The following PDE4B variants were observed in gnomAD, a reference collection of about 807,000 sequenced individuals.
PDE4B encodes the protein phosphodiesterase 4B.
A neutral mutation model predicts 82.2 loss-of-function variants in PDE4B; 20 were observed. The observed-to-expected ratio is 0.24, with a 90% CI of 0.17 to 0.35. The LOEUF (loss-of-function observed/expected upper bound fraction) is 0.35. Among genes scored for constraint, PDE4B ranks in the 10% least tolerant of loss-of-function variants. The probability of loss-of-function intolerance (pLI) is 1.00; values close to 1 mark genes in which losing one functional copy is unlikely to be tolerated. For missense variants in PDE4B, 655 were observed against 907.2 expected (o/e 0.72, Z 3.57); for synonymous variants, 320 against 318.9 (o/e 1.00, Z -0.04).
At chr1:65,972,717 G>T (rs1357596928) in intron 3 of PDE4B, among the ~76,000 whole-genome samples, 2 of 152,080 alleles carry the variant, frequency 1.3e-5, no homozygotes, top group Non-Finnish European at 2.9e-5. Flanking sequence ...TTCACTTAGT[G>T]TTTCTGCATA....
chr1:66,352,579 C>T (rs368671663), intron 8 of PDE4B, among the ~76,000 whole-genome samples: 5 of 152,128 alleles, frequency 3.3e-5, no homozygotes, highest in African/African-American at 9.7e-5. Flanking sequence ...GCAGAGTTGC[C>T]GATATAGCTA....
intron 1 of PDE4B, among the ~76,000 whole-genome samples, chr1:65,892,644 A>C (rs893014485): frequency 1.3e-5 from 2 of 152,016 alleles, no homozygotes; most frequent in East Asian, 3.9e-4. Context: ...CCTGTGCTAT[A>C]GGTCTCTCTT....
chr1:66,256,339 T>C (rs992726810), intron 4 of PDE4B, among the ~76,000 whole-genome samples: 42 of 152,240 alleles, frequency 2.8e-4, no homozygotes, highest in African/African-American at 9.9e-4. Context: ...CGATGTCATT[T>C]ATATAATAGC....
At chr1:66,204,886 A>G (rs530006258) in intron 3 of PDE4B, among the ~76,000 whole-genome samples, 5 of 152,292 alleles carry the variant, frequency 3.3e-5, no homozygotes, top group South Asian at 4.1e-4. Flanking sequence ...CCCTAGTGAG[A>G]TGAACCCAGT....
intron 3 of PDE4B, among the ~76,000 whole-genome samples, chr1:66,000,427 T>G (rs1244799532): frequency 1.3e-5 from 2 of 152,198 alleles, no homozygotes; most frequent in African/African-American, 4.8e-5. Flanking sequence ...GTCTATGACT[T>G]GCAGAGTGAG....
chr1:65,846,803 G>A (rs1646272557), intron 1 of PDE4B, among the ~76,000 whole-genome samples: 1 of 152,174 alleles, frequency 6.6e-6, no homozygotes, highest in South Asian at 2.1e-4. Flanking sequence ...CACAAATGGA[G>A]TGTTTTTATC....
intron 7 of PDE4B, among the ~76,000 whole-genome samples, chr1:66,284,760 G>T (rs549492155): frequency 2.2e-4 from 33 of 152,328 alleles, no homozygotes; most frequent in African/African-American, 7.9e-4. Context: ...AGAAAGGATA[G>T]GGTGTAGGGA....
chr1:66,147,661 A>G, intron 3 of PDE4B, among the ~76,000 whole-genome samples: 1 of 152,214 alleles, frequency 6.6e-6, no homozygotes, highest in East Asian at 1.9e-4. Flanking sequence ...GAATGGAATG[A>G]GCAAATTATA....
At chr1:66,240,116 AC>A (rs1652775084) in intron 3 of PDE4B, among the ~76,000 whole-genome samples, 1 of 152,194 alleles carries the variant, frequency 6.6e-6, no homozygotes, top group African/African-American at 2.4e-5. Flanking sequence ...TATGGAGCTA[AC>A]TTTTAGGGGT....
intron 3 of PDE4B, among the ~76,000 whole-genome samples, chr1:66,007,285 A>C (rs1652203148): frequency 6.6e-6 from 1 of 152,124 alleles, no homozygotes; most frequent in African/African-American, 2.4e-5. Flanking sequence ...TCTCTAATAA[A>C]ATGCAAAAAT....
chr1:66,149,310 A>G (rs781396728), intron 3 of PDE4B, among the ~76,000 whole-genome samples: 1 of 152,088 alleles, frequency 6.6e-6, no homozygotes, highest in African/African-American at 2.4e-5. Flanking sequence ...TTAAATTATT[A>G]TATTTTTAAA....
chr1:66,125,188 G>A (rs961079836), intron 3 of PDE4B, among the ~76,000 whole-genome samples: 1 of 139,882 alleles, frequency 7.1e-6, no homozygotes, highest in African/African-American at 2.7e-5. Context: ...TTTTGAGATG[G>A]AGTCTCACTC....
chr1:66,068,483 A>C (rs2100919256), intron 3 of PDE4B, among the ~76,000 whole-genome samples: 1 of 152,068 alleles, frequency 6.6e-6, no homozygotes, highest in African/African-American at 2.4e-5. Context: ...AAAAATTTAT[A>C]TTTTAACATT....
intron 3 of PDE4B, among the ~76,000 whole-genome samples, chr1:66,056,034 T>A (rs1249009042): frequency 6.6e-6 from 1 of 152,214 alleles, no homozygotes; most frequent in Admixed American, 6.5e-5. Flanking sequence ...CATAATTGAT[T>A]TAACTTCATT....
At chr1:66,056,601 T>A (rs930010450) in intron 3 of PDE4B, among the ~76,000 whole-genome samples, 21 of 151,992 alleles carry the variant, frequency 1.4e-4, no homozygotes, top group Admixed American at 3.3e-4. Flanking sequence ...ATTAAAGATA[T>A]GGAGCTTGAG....
intron 3 of PDE4B, among the ~76,000 whole-genome samples, chr1:66,190,427 C>T (rs1371136187): frequency 2.0e-5 from 3 of 152,212 alleles, no homozygotes; most frequent in Admixed American, 2.0e-4. Flanking sequence ...GCCCTGCCCC[C>T]AGAGGTGGAG....
At chr1:66,153,723 G>T (rs1278892966) in intron 3 of PDE4B, among the ~76,000 whole-genome samples, 4 of 152,132 alleles carry the variant, frequency 2.6e-5, no homozygotes, top group Admixed American at 2.0e-4. Context: ...ATTAATTCTG[G>T]CTGTAGAAGT....
At chr1:65,864,361 G>T (rs768886201) in intron 1 of PDE4B, among the ~76,000 whole-genome samples, 1 of 151,974 alleles carries the variant, frequency 6.6e-6, no homozygotes, top group Non-Finnish European at 1.5e-5. Flanking sequence ...GCCTACTTCT[G>T]TCAATTCTTC....
intron 3 of PDE4B, among the ~76,000 whole-genome samples, chr1:66,127,529 A>C (rs1402396868): frequency 1.3e-5 from 2 of 152,176 alleles, no homozygotes; most frequent in Non-Finnish European, 2.9e-5. Flanking sequence ...TTTAAATAAA[A>C]TATATGATTT....
Sources: allele counts gnomAD v4.1 joint callset (sites outside exome capture counted in the v4.1 genomes callset), GRCh38; gene constraint gnomAD v4.1.1; transcripts MANE v1.5; gene names NCBI Gene and HGNC (gene_info 2026-07-23, HGNC 2026-07-21).